NTNG1: variants seen among roughly 807,000 people sequenced by gnomAD.
NTNG1 encodes netrin-G1.
Under a neutral mutation model 54.0 loss-of-function variants are expected in NTNG1, and 16 were observed. That is an observed-to-expected ratio of 0.30 (90% CI 0.20 to 0.45). The LOEUF is 0.45. Among genes scored for constraint, NTNG1 ranks in the 20% least tolerant of loss-of-function variants. The pLI, the probability that NTNG1 is intolerant of heterozygous loss-of-function variation, is 1.00. For synonymous variants in NTNG1, 255 were observed against 263.1 expected (o/e 0.97, Z 0.30); for missense variants, 530 against 678.7 (o/e 0.78, Z 2.43).
At chr1:107,443,352 T>G (rs1676093219) in intron 7 of NTNG1, among the ~76,000 whole-genome samples, 1 of 151,778 alleles carries the variant, frequency 6.6e-6, no homozygotes, top group Non-Finnish European at 1.5e-5. Context: ...AGGGATTAAT[T>G]GGTTCCTATC....
intron 2 of NTNG1, among the ~76,000 whole-genome samples, chr1:107,269,763 A>G (rs1664019044): frequency 6.6e-6 from 1 of 152,228 alleles, no homozygotes; most frequent in Non-Finnish European, 1.5e-5. Flanking sequence ...TACATTTTAT[A>G]TCTTTAGACT....
At chr1:107,405,623 A>G (rs887528880) in intron 4 of NTNG1, among the ~76,000 whole-genome samples, 1 of 152,104 alleles carries the variant, frequency 6.6e-6, no homozygotes, top group African/African-American at 2.4e-5. Context: ...TTTTCATTGT[A>G]TGGTGCCAAA....
At chr1:107,233,345 A>G (rs570890096) in intron 2 of NTNG1, among the ~76,000 whole-genome samples, 4 of 152,344 alleles carry the variant, frequency 2.6e-5, no homozygotes, top group Admixed American at 1.3e-4. Context: ...ATTGTTGTTT[A>G]TATGAAGTCT....
At chr1:107,464,478 G>A (rs951285429) in intron 7 of NTNG1, among the ~76,000 whole-genome samples, 1 of 152,124 alleles carries the variant, frequency 6.6e-6, no homozygotes, top group African/African-American at 2.4e-5. Flanking sequence ...AGGGGCTAGC[G>A]CAGCAGTGAC....
intron 7 of NTNG1, among the ~76,000 whole-genome samples, chr1:107,468,115 A>G (rs1193934320): frequency 2.0e-5 from 3 of 151,088 alleles, no homozygotes; most frequent in East Asian, 1.9e-4. Context: ...GATTCCCTGG[A>G]AAAAAAAATC....
At chr1:107,272,134 C>G (rs938190823) in intron 2 of NTNG1, among the ~76,000 whole-genome samples, 2 of 152,062 alleles carry the variant, frequency 1.3e-5, no homozygotes, top group African/African-American at 2.4e-5. Flanking sequence ...TGTGTCAATA[C>G]CATGCTTTTG....
chr1:107,304,728 C>CT (rs201055533), intron 2 of NTNG1, among the ~76,000 whole-genome samples: 1,873 of 141,154 alleles, frequency 0.013, 27 homozygotes, highest in African/African-American at 0.045. Context: ...TCAGAATGTT[C>CT]TTTTTTTTTT....
intron 2 of NTNG1, among the ~76,000 whole-genome samples, chr1:107,286,410 G>T (rs1665205788): frequency 6.6e-6 from 1 of 152,120 alleles, no homozygotes; most frequent in African/African-American, 2.4e-5. Flanking sequence ...ACCTTCTGCT[G>T]AAGAAATAGG....
In NTNG1 at chr1:107,256,716, G is replaced by A. The variant is rs1001776801; in HGVS notation, c.247-67566G>A. Among the ~76,000 whole-genome samples the A allele has an allele frequency of 2.6e-5, 4 of 152,132 alleles. No homozygotes were observed. The East Asian group carries it at 5.8e-4, about 22-fold the overall frequency. On this transcript the variant is annotated intron_variant, in intron 2 of 7. Coordinates refer to ENST00000370068, the MANE Select transcript of NTNG1 (RefSeq NM_001113226.3). ...CCTGGACGGGAGGAGAGGAGAGAGC[G>A]GGAGAGGAAGACAGGGCAAGGAAGC...
intron 7 of NTNG1, among the ~76,000 whole-genome samples, chr1:107,460,044 A>T (rs867755509): frequency 6.6e-6 from 1 of 152,074 alleles, no homozygotes; most frequent in East Asian, 1.9e-4. Context: ...TCTTTAAAAT[A>T]TTAAGATAAG....
intron 2 of NTNG1, among the ~76,000 whole-genome samples, chr1:107,153,999 A>G (rs1040423624): frequency 1.3e-5 from 2 of 152,176 alleles, no homozygotes; most frequent in African/African-American, 4.8e-5. Context: ...CACAAACATT[A>G]CTGCAAACCA....
intron 2 of NTNG1, among the ~76,000 whole-genome samples, chr1:107,249,516 C>T (rs994258185): frequency 3.9e-4 from 58 of 150,222 alleles, no homozygotes; most frequent in Non-Finnish European, 7.7e-4. Context: ...GTTTGGGTAA[C>T]TATATGTGTA....
chr1:107,234,575 C>G (rs1415626034), intron 2 of NTNG1, among the ~76,000 whole-genome samples: 5 of 152,126 alleles, frequency 3.3e-5, no homozygotes, highest in African/African-American at 1.2e-4. Context: ...TATTATTCCC[C>G]TCTATTGTAT....
At chr1:107,174,906 A>G (rs538996219) in intron 2 of NTNG1, among the ~76,000 whole-genome samples, 5 of 152,248 alleles carry the variant, frequency 3.3e-5, no homozygotes, top group African/African-American at 1.2e-4. Flanking sequence ...GAATGAATGA[A>G]TGGATGAATG....
At chr1:107,435,433 A>G (rs891087960) in intron 6 of NTNG1, among the ~76,000 whole-genome samples, 6 of 152,184 alleles carry the variant, frequency 3.9e-5, no homozygotes, top group African/African-American at 1.4e-4. Flanking sequence ...TATTCATCAT[A>G]TAAATGTTTG....
chr1:107,407,039 G>A (rs1673472093), intron 4 of NTNG1, among the ~76,000 whole-genome samples: 1 of 152,150 alleles, frequency 6.6e-6, no homozygotes. Context: ...AGTGAAAGCT[G>A]AAAAATCGAT....
At chr1:107,382,737 T>C (rs977419836) in intron 3 of NTNG1, among the ~76,000 whole-genome samples, 2 of 152,118 alleles carry the variant, frequency 1.3e-5, no homozygotes, top group African/African-American at 4.8e-5. Context: ...TTGGTGGGCT[T>C]GGGTTTTTGG....
At chr1:107,372,283 C>G (rs933250258) in intron 3 of NTNG1, among the ~76,000 whole-genome samples, 1 of 151,840 alleles carries the variant, frequency 6.6e-6, no homozygotes, top group Admixed American at 6.6e-5. Flanking sequence ...TGATTTGAGG[C>G]TTTCTTCTTC....
intron 7 of NTNG1, among the ~76,000 whole-genome samples, chr1:107,443,418 TA>T (rs1328015031): frequency 1.9e-5 from 2 of 107,716 alleles, no homozygotes; most frequent in Admixed American, 9.6e-5. Context: ...TTGGAGGGGA[TA>T]GGGGATTAAC....
Sources: gnomAD v4.1 joint callset for allele counts (sites outside exome capture counted in the v4.1 genomes callset) on GRCh38, gnomAD v4.1.1 for gene constraint, MANE v1.5 for transcripts, NCBI Gene and HGNC (gene_info 2026-07-23, HGNC 2026-07-21) for gene names.